SERPINB5: variants seen among roughly 807,000 people sequenced by gnomAD.
SERPINB5 encodes the protein serpin family B member 5.
SERPINB5 carries 27 observed loss-of-function variants against 32.2 expected under a neutral mutation model. The ratio of observed to expected loss-of-function variants is 0.84; its 90% CI spans 0.62 to 1.16. The LOEUF (loss-of-function observed/expected upper bound fraction) is 1.16. Ranked by LOEUF, SERPINB5 falls within the 50% of genes most tolerant of loss-of-function variation. The pLI is 0.00. For missense variants in SERPINB5, 388 were observed against 436.3 expected (o/e 0.89, Z 0.99); for synonymous variants, 154 against 157.4 (o/e 0.98, Z 0.16).
intron 5 of SERPINB5, among the ~76,000 whole-genome samples, chr18:63,494,132 A>C (rs149587766): frequency 2.1e-4 from 31 of 151,052 alleles, no homozygotes; most frequent in Non-Finnish European, 4.1e-4. Context: ...GACCAGCCTG[A>C]CCAACATAGT....
rs749187282 is a variant in SERPINB5, at chr18:63,484,409, T to C, written c.-7-13T>C. ...GCTTTAGAAACTAACTGCTCCCTTG[T>C]CCTTGCTTCCAGGCCCGCAATGGAT... On this transcript the variant is annotated splice_polypyrimidine_tract_variant and intron_variant, in intron 1 of 6. Transcript: ENST00000382771. 6.2e-7 allele frequency: 1 copy of C among 1,605,308 alleles called. No homozygotes were observed. Among genetic ancestry groups the C allele is most frequent in the Non-Finnish European group, 8.5e-7 (1 of 1,176,456 alleles).
At chr18:63,487,227 G>T in intron 3 of SERPINB5, 144 bp downstream of exon 3, 1 of 793,464 alleles carries the variant, frequency 1.3e-6, no homozygotes, top group Non-Finnish European at 1.9e-6. Flanking sequence ...ATAAATCCTA[G>T]TGGAGAGGTT....
intron 5 of SERPINB5, among the ~76,000 whole-genome samples, chr18:63,494,705 CTCTT>C (rs1274509144): frequency 6.6e-6 from 1 of 152,184 alleles, no homozygotes; most frequent in Non-Finnish European, 1.5e-5. Flanking sequence ...GCTTCCATTA[CTCTT>C]TCTTTCTTTG....
chr18:63,494,750 C>A (rs983218687), intron 5 of SERPINB5, among the ~76,000 whole-genome samples: 1 of 152,162 alleles, frequency 6.6e-6, no homozygotes, highest in South Asian at 2.1e-4. Context: ...ATACTCTCCC[C>A]TGTCCACTGC....
rs956970709 is a variant in SERPINB5, at chr18:63,498,854, TAA to T, written c.568-265_568-264del. Among the ~76,000 whole-genome samples the T allele has an allele frequency of 3.0e-5, 3 of 100,832 alleles. No individual in the cohort carries two copies. The highest frequency in any genetic ancestry group is 9.1e-5 in the African/African-American group (3 of 33,050). 66.1% of individuals were successfully genotyped at this position (100,832 alleles called of 152,430 possible). Reference sequence around the variant, plus strand: ...GGTATATATATATAGTATGTATATATAAGTGTGTATATATAGGTGTGTGTATA... The same window carrying T: ...GGTATATATATATAGTATGTATATATGTGTGTATATATAGGTGTGTGTATA... On this transcript the variant is annotated intron_variant, in intron 5 of 6. Transcript: ENST00000382771. This position sits in a 1 kb window ranked among gnomAD's most constrained non-coding sequence, Gnocchi z 4.2.
At chr18:63,484,309 T>C (rs1302430042) in intron 1 of SERPINB5, 113 bp from the exon 2 acceptor site, 7 of 1,064,756 alleles carry the variant, frequency 6.6e-6, no homozygotes, top group Non-Finnish European at 9.2e-6. Flanking sequence ...TCCTTGTTTC[T>C]TCTGAGATCA....
At chr18:63,479,608 G>A (rs11662387) in intron 1 of SERPINB5, among the ~76,000 whole-genome samples, 23,944 of 152,098 alleles carry the variant, frequency 0.16, 2,132 homozygotes, top group Middle Eastern at 0.25. Flanking sequence ...TGGGGGGTCT[G>A]TCACTCCTGG....
rs758976453 is a variant in SERPINB5 at position 63,503,312 on chromosome 18, T to A, written c.736-18T>A. On this transcript the variant is annotated intron_variant, in intron 6 of 6. Transcript: ENST00000382771. Reference sequence around the variant, plus strand: ...TGGAAATAAATAAAAATAATTTCTTTTCATTTTTGTCCTTCAGATTGAAAA... The same window carrying A: ...TGGAAATAAATAAAAATAATTTCTTATCATTTTTGTCCTTCAGATTGAAAA... The A allele has an allele frequency of 1.3e-6, 2 of 1,596,456 alleles. No individual in the cohort carries two copies. The highest frequency in any genetic ancestry group is 2.3e-5 in the South Asian group (2 of 87,544).
chr18:63,497,226 G>C (rs1333357752), intron 5 of SERPINB5: 7 of 748,610 alleles, frequency 9.4e-6, no homozygotes, highest in Non-Finnish European at 1.7e-5. Context: ...CAGTTGGTGT[G>C]GTTGGTTCAG....
At chr18:63,484,313 G>T in intron 1 of SERPINB5, 109 bp from the exon 2 acceptor site, 1 of 1,079,698 alleles carries the variant, frequency 9.3e-7, no homozygotes. Context: ...TGTTTCTTCT[G>T]AGATCAATTA....
chr18:63,495,733 A>G (rs1909433596), intron 5 of SERPINB5, among the ~76,000 whole-genome samples: 1 of 152,236 alleles, frequency 6.6e-6, no homozygotes, highest in Admixed American at 6.5e-5. Context: ...GCTGGGTTAT[A>G]TAAGATCCTG....
At chr18:63,480,070 T>G (rs1917101832) in intron 1 of SERPINB5, among the ~76,000 whole-genome samples, 1 of 152,158 alleles carries the variant, frequency 6.6e-6, no homozygotes, top group South Asian at 2.1e-4. Context: ...TTTGCCACTC[T>G]CACTCCCTGC....
intron 6 of SERPINB5, among the ~76,000 whole-genome samples, chr18:63,500,045 G>T (rs182504870): frequency 1.4e-3 from 207 of 151,758 alleles, no homozygotes; most frequent in African/African-American, 4.7e-3. Context: ...ACAGGGTCTT[G>T]CTCCATTGCC....
chr18:63,488,029 A>C (rs1184866887), intron 3 of SERPINB5, among the ~76,000 whole-genome samples: 1 of 152,098 alleles, frequency 6.6e-6, no homozygotes, highest in Admixed American at 6.6e-5. Flanking sequence ...AAAAAAAAAA[A>C]CTGAGATGTG....
At chr18:63,494,298 G>T (rs2144504319) in intron 5 of SERPINB5, among the ~76,000 whole-genome samples, 1 of 146,060 alleles carries the variant, frequency 6.8e-6, no homozygotes, top group African/African-American at 2.5e-5. Context: ...CTCCAGCCTG[G>T]GTGACAAAGT....
chr18:63,483,877 A>G (rs924368994), intron 1 of SERPINB5, among the ~76,000 whole-genome samples: 5 of 152,254 alleles, frequency 3.3e-5, no homozygotes, highest in African/African-American at 7.2e-5. Flanking sequence ...GAAATAGGAC[A>G]TACCCTGTTT....
intron 5 of SERPINB5, 73 bp from the exon 6 acceptor site, chr18:63,499,047 G>GTTTATATATA: frequency 2.0e-6 from 1 of 495,748 alleles, no homozygotes; most frequent in Admixed American, 4.2e-5. Context: ...GCGCGTGTGT[G>GTTTATATATA]TATATATATA....
At position 63,484,511 on chromosome 18, in the gene SERPINB5, T is replaced by G; in HGVS notation, c.83T>G (p.Val28Gly). 1 of 1,614,190 alleles carries G rather than the reference T, an allele frequency of 6.2e-7. No homozygotes were observed. Among genetic ancestry groups the G allele is most frequent in the Admixed American group, 1.7e-5 (1 of 60,020 alleles). ...TGTGAAAAGGAGCCACTGGGCAATGTCCTCTTCTCTCCAATCTGTCTCTCC... is the reference window on the plus strand; with the variant it reads ...TGTGAAAAGGAGCCACTGGGCAATGGCCTCTTCTCTCCAATCTGTCTCTCC... ...QLCEKEPLGN[V>G]LFSPICLSTS... is the part of the protein sequence containing the mutation. Residue 28 changes from valine to glycine, a missense_variant, in exon 2 of 7, where the codon GTC (valine) becomes GGC (glycine). By Grantham distance (109) the Val-to-Gly change is moderately radical (BLOSUM62 -3). Transcript: ENST00000382771.
chr18:63,495,920 G>C (rs1310001816), intron 5 of SERPINB5, among the ~76,000 whole-genome samples: 1 of 152,134 alleles, frequency 6.6e-6, no homozygotes, highest in Non-Finnish European at 1.5e-5. Flanking sequence ...GTCCACCCTA[G>C]AACTTTTTGA....
Sources: gnomAD v4.1 joint callset for allele counts (sites outside exome capture counted in the v4.1 genomes callset) on GRCh38, gnomAD v4.1.1 for gene constraint, Gnocchi (gnomAD v3.1) non-coding constraint, MANE v1.5 for transcripts, NCBI Gene and HGNC (gene_info 2026-07-23, HGNC 2026-07-21) for gene names.